The following RASAL2 variants were observed in gnomAD, a reference collection of about 807,000 sequenced individuals.
RASAL2 encodes the protein RAS protein activator like 2.
In RASAL2, 58 loss-of-function variants were observed where a neutral mutation model predicts 128.9. The ratio of observed to expected loss-of-function variants is 0.45; its 90% CI spans 0.36 to 0.56. The LOEUF (loss-of-function observed/expected upper bound fraction) is 0.56. RASAL2 is among the 20% of genes least tolerant of loss of function. RASAL2 has a pLI of 0.00. For missense variants in RASAL2, 1,360 were observed against 1,601.6 expected, an observed-to-expected ratio of 0.85 and a Z score of 2.57; for synonymous variants, 561 against 580.8, an observed-to-expected ratio of 0.97 and a Z score of 0.49.
chr1:178,377,353 C>T (rs888402517), intron 3 of RASAL2, among the ~76,000 whole-genome samples: 2 of 151,854 alleles, frequency 1.3e-5, no homozygotes, highest in Non-Finnish European at 2.9e-5. Flanking sequence ...ATTAGTGTAA[C>T]AAACACTTTT....
chr1:178,141,355 A>T (rs762235707), intron 1 of RASAL2, among the ~76,000 whole-genome samples: 3 of 151,762 alleles, frequency 2.0e-5, no homozygotes, highest in African/African-American at 4.8e-5. Context: ...CTGTCAGGCG[A>T]GAGATGATTT....
chr1:178,149,214 T>C (rs1320048624), intron 1 of RASAL2, among the ~76,000 whole-genome samples: 3 of 152,164 alleles, frequency 2.0e-5, no homozygotes, highest in Admixed American at 2.0e-4. Flanking sequence ...TTACAGATAA[T>C]ATAAGAAGAG....
intron 1 of RASAL2, among the ~76,000 whole-genome samples, chr1:178,113,395 C>T (rs182389211): frequency 1.3e-5 from 2 of 151,902 alleles, no homozygotes; most frequent in Admixed American, 1.3e-4. Flanking sequence ...GCTTTGAACT[C>T]CTGGGCTCAA....
intron 1 of RASAL2, among the ~76,000 whole-genome samples, chr1:178,173,069 G>A (rs191843014): frequency 8.0e-4 from 122 of 152,182 alleles, no homozygotes; most frequent in Non-Finnish European, 1.6e-3. Context: ...TTGTCACTTT[G>A]TGGGAATATC....
chr1:178,155,290 A>G (rs1465033403), intron 1 of RASAL2, among the ~76,000 whole-genome samples: 20 of 152,142 alleles, frequency 1.3e-4, no homozygotes, highest in Admixed American at 1.2e-3. Context: ...AGACTACTCA[A>G]TTCTGAGTAT....
At chr1:178,158,338 G>C (rs1039185937) in intron 1 of RASAL2, among the ~76,000 whole-genome samples, 1 of 152,162 alleles carries the variant, frequency 6.6e-6, no homozygotes, top group Non-Finnish European at 1.5e-5. Flanking sequence ...AGTGGACTAA[G>C]TCTTATTTAC....
rs71108028 is a variant in RASAL2 at position 178,131,375 on chromosome 1, C to CTTTTTTT, written c.202+36701_202+36707dup. On this transcript the variant is annotated intron_variant, in intron 1 of 17. Transcript: ENST00000367649. ...TCGTGCACTACCACGCCTGGATAAT[C>CTTTTTTT]TTTTTTTTTTTTTTTTTTTTTTTTT... Among the ~76,000 whole-genome samples, 28 of 82,590 alleles carry CTTTTTTT rather than the reference C, an allele frequency of 3.4e-4. 3 individuals carry two copies. The highest frequency in any genetic ancestry group is 5.2e-4 in the Non-Finnish European group (23 of 44,550). The allele number at this position is 82,590 out of a possible 152,430, so 54.2% of individuals were successfully genotyped here. A position where few individuals can be genotyped will look rare whatever the true frequency, so the allele number is the denominator to read the frequency against.
chr1:178,233,835 A>G (rs182460552), intron 1 of RASAL2, among the ~76,000 whole-genome samples: 253 of 152,328 alleles, frequency 1.7e-3, no homozygotes, highest in Non-Finnish European at 2.9e-3. Context: ...CTTCTCCAGG[A>G]TGCTGAATCT....
chr1:178,300,252 G>C, intron 3 of RASAL2, 134 bp downstream of exon 3: 2 of 1,044,424 alleles, frequency 1.9e-6, no homozygotes, highest in Non-Finnish European at 2.7e-6. Flanking sequence ...TTAAGCGAGA[G>C]TTAGAGGTCA....
At chr1:178,322,467 G>C (rs1668839261) in intron 3 of RASAL2, among the ~76,000 whole-genome samples, 1 of 152,056 alleles carries the variant, frequency 6.6e-6, no homozygotes, top group Non-Finnish European at 1.5e-5. Flanking sequence ...TTCCCAACTG[G>C]TCGTCTGTAC....
chr1:178,192,464 C>A (rs1393854558), intron 1 of RASAL2, among the ~76,000 whole-genome samples: 1 of 152,164 alleles, frequency 6.6e-6, no homozygotes, highest in Non-Finnish European at 1.5e-5. Flanking sequence ...CTTTTCAAAT[C>A]TGTGTTTCTT....
Position 178,439,409 on chromosome 1 carries a change from T to C in RASAL2, c.675-13T>C. Reference sequence around the variant, plus strand: ...CAAGTTACACTACCTTAAATATCTTTTTCTACTTTTAGGTCTCGTGGGCTG... The same window carrying C: ...CAAGTTACACTACCTTAAATATCTTCTTCTACTTTTAGGTCTCGTGGGCTG... On this transcript the variant is annotated splice_polypyrimidine_tract_variant and intron_variant, in intron 5 of 17. Coordinates refer to ENST00000367649, the MANE Select transcript of RASAL2 (RefSeq NM_170692.4). 6.3e-7 allele frequency: 1 copy of C among 1,596,420 alleles called. No homozygotes were observed. The highest frequency in any genetic ancestry group is 1.1e-5 in the South Asian group (1 of 88,398).
chr1:178,395,040 A>G (rs1375225172), intron 4 of RASAL2, among the ~76,000 whole-genome samples: 1 of 152,162 alleles, frequency 6.6e-6, no homozygotes, highest in East Asian at 1.9e-4. Flanking sequence ...TGTTTTTCCA[A>G]GTTAAACAAA....
intron 3 of RASAL2, among the ~76,000 whole-genome samples, chr1:178,364,361 A>G (rs538828915): frequency 1.3e-5 from 2 of 152,214 alleles, no homozygotes; most frequent in East Asian, 1.9e-4. Flanking sequence ...TCTTCACCCA[A>G]CCTCCAATAC....
chr1:178,338,655 G>A (rs191430407), intron 3 of RASAL2, among the ~76,000 whole-genome samples: 9 of 152,270 alleles, frequency 5.9e-5, no homozygotes. Context: ...TATCATAGAT[G>A]TAGCCTCCGG....
At chr1:178,358,237 T>TTA (rs1176010811) in intron 3 of RASAL2, among the ~76,000 whole-genome samples, 1,129 of 34,780 alleles carry the variant, frequency 0.032, 58 homozygotes, top group African/African-American at 0.069. Flanking sequence ...CTCTGTCTCC[T>TTA]AAAAAAAAAA....
Position 178,454,614 on chromosome 1 carries a change from C to G in RASAL2, c.2177C>G (p.Ser726Cys). The G allele has an allele frequency of 2.5e-6, 4 of 1,613,778 alleles. No individual in the cohort carries two copies. The highest frequency in any genetic ancestry group is 2.2e-5 in the East Asian group (1 of 44,848). The change falls in exon 12 of 18, where the codon TCC becomes TGC. Residue 726 changes from serine (S) to cysteine (C), a missense_variant. Transcript: ENST00000367649. ...GGCCGAGAGCTTTCAGTTTTGCATT[C>G]CTTACTGTGGGAAGTAGTTTCCCAA... ...DLGRELSVLHSLLWEVVSQLD... is the reference protein window; with the variant it reads ...DLGRELSVLHCLLWEVVSQLD...
chr1:178,263,755 A>G (rs778735332), intron 1 of RASAL2, among the ~76,000 whole-genome samples: 7 of 151,914 alleles, frequency 4.6e-5, no homozygotes, highest in Non-Finnish European at 2.9e-5. Flanking sequence ...GGGTCTCACT[A>G]TTTTGCCTAG....
At chr1:178,108,443 A>C (rs1019761820) in intron 1 of RASAL2, among the ~76,000 whole-genome samples, 4 of 152,224 alleles carry the variant, frequency 2.6e-5, no homozygotes, top group Non-Finnish European at 5.9e-5. Flanking sequence ...AACCTGGCAC[A>C]GTTCTAAGTG....
Sources: gnomAD v4.1 joint callset for allele counts (sites outside exome capture counted in the v4.1 genomes callset) on GRCh38, gnomAD v4.1.1 for gene constraint, MANE v1.5 for transcripts, NCBI Gene and HGNC (gene_info 2026-07-23, HGNC 2026-07-21) for gene names.